The following RNF168 variants were observed in gnomAD, a reference collection of about 807,000 sequenced individuals.
RNF168 encodes the protein ring finger protein 168.
In RNF168, 34 loss-of-function variants were observed where a neutral mutation model predicts 34.9. The ratio of observed to expected loss-of-function variants is 0.97; its 90% CI spans 0.74 to 1.30. RNF168 has a LOEUF of 1.30. Among genes scored for constraint, RNF168 ranks in the 50% most tolerant of loss-of-function variants. The pLI is 0.00. For missense variants in RNF168, 725 were observed against 682.5 expected (o/e 1.06, Z -0.69); for synonymous variants, 264 against 254.7 (o/e 1.04, Z -0.35).
intron 1 of RNF168, among the ~76,000 whole-genome samples, chr3:196,502,452 A>G (rs1477621255): frequency 6.6e-6 from 1 of 151,932 alleles, no homozygotes; most frequent in Non-Finnish European, 1.5e-5. Flanking sequence ...CCCGGGCGTG[A>G]TGGTGCACGC....
In RNF168 at chr3:196,503,350, G is replaced by C. The variant is rs1732952399; in HGVS notation, c.-177C>G. 9.2e-6 allele frequency: 6 copies of C among 655,218 alleles called. No homozygotes were observed. In the East Asian group the frequency reaches 1.4e-4, roughly 15 times the overall value. 40.6% of individuals were successfully genotyped at this position (655,218 alleles called of 1,614,324 possible). ...GTCTTGAAGCAAAAAGGCGCTCTCA[G>C]GGTCAGGCAAACAGGAATACCCCGG... On this transcript the variant is annotated 5_prime_UTR_variant, in exon 1 of 6. Coordinates refer to ENST00000318037, the MANE Select transcript of RNF168 (RefSeq NM_152617.4).
rs760183132 is a variant in RNF168, at chr3:196,472,121, C to A, written c.1414G>T (p.Asp472Tyr). The A allele has an allele frequency of 6.2e-7, 1 of 1,613,992 alleles. No individual in the cohort carries two copies. The highest frequency in any genetic ancestry group is 1.1e-5 in the South Asian group (1 of 91,040). ...MVPNRQKGSP[D>Y]EYHLRATSSP... ...GATGTAGCGCGTAAGTGATACTCAT[C>A]TGGGGATCCTTTTTGCCGGTTTGGC... The change falls in exon 6 of 6, where the codon GAT (aspartate) becomes TAT (tyrosine). Residue 472 changes from aspartate to tyrosine, a missense_variant. Transcript: ENST00000318037.
chr3:196,472,433 T>G lies in RNF168; in HGVS notation c.1102A>C (p.Asn368His), dbSNP rs138568907. Residue 368 changes from asparagine (N) to histidine (H), a missense_variant, in exon 6 of 6, where the codon AAC becomes CAC. By Grantham distance (68) the Asn-to-His change is moderately conservative (BLOSUM62 1). Transcript: ENST00000318037. Reference protein sequence around the residue: ...TSGVTQTNGNNTGETENEESC... With the variant: ...TSGVTQTNGNHTGETENEESC... ...TCTTCATTTTCTGTCTCACCTGTGTTGTTTCCATTTGTCTGTGTCACCCCT... is the reference window on the plus strand; with the variant it reads ...TCTTCATTTTCTGTCTCACCTGTGTGGTTTCCATTTGTCTGTGTCACCCCT... 46 of 1,613,634 alleles carry G rather than the reference T, an allele frequency of 2.9e-5. No individual in the cohort carries two copies. The African/African-American group carries it at 5.6e-4, about 20-fold the overall frequency.
chr3:196,497,540 C>T (rs927112600), intron 1 of RNF168, among the ~76,000 whole-genome samples: 1 of 151,830 alleles, frequency 6.6e-6, no homozygotes, highest in African/African-American at 2.4e-5. Flanking sequence ...CATGGTGGTG[C>T]GTGCCTGTAG....
chr3:196,499,855 A>AT (rs1174120251), intron 1 of RNF168, among the ~76,000 whole-genome samples: 10 of 152,216 alleles, frequency 6.6e-5, no homozygotes. Flanking sequence ...TAGATATTTC[A>AT]TATTTTTCCG....
At chr3:196,472,858 G>A in intron 5 of RNF168, 86 bp from the exon 6 acceptor site, 5 of 770,790 alleles carry the variant, frequency 6.5e-6, no homozygotes, top group Non-Finnish European at 1.2e-5. Context: ...TACTACAGCT[G>A]GACTGTCACT....
chr3:196,490,876 T>C (rs778535629), intron 1 of RNF168, among the ~76,000 whole-genome samples: 1 of 152,224 alleles, frequency 6.6e-6, no homozygotes, highest in Non-Finnish European at 1.5e-5. Context: ...GAGACATATA[T>C]AAGGCTCCTT....
In RNF168 at chr3:196,471,648, T is replaced by C; in HGVS notation, c.*171A>G. The C allele has an allele frequency of 3.2e-6, 2 of 632,538 alleles. No individual in the cohort carries two copies. The highest frequency in any genetic ancestry group is 2.8e-5 in the East Asian group (1 of 36,360). 39.2% of individuals were successfully genotyped at this position (632,538 alleles called of 1,614,324 possible). ...AGGGGACCCCTGCTTACCGCTGAGC[T>C]GTGCAGAAGCTCATGTGTCTATGCA... On this transcript the variant is annotated 3_prime_UTR_variant, in exon 6 of 6. Coordinates refer to ENST00000318037, the MANE Select transcript of RNF168 (RefSeq NM_152617.4).
At position 196,472,776 on chromosome 3, in the gene RNF168, T is replaced by C; in HGVS notation, c.763-4A>G. 1.3e-6 allele frequency: 2 copies of C among 1,579,838 alleles called. No homozygotes were observed. Among genetic ancestry groups the C allele is most frequent in the Non-Finnish European group, 1.7e-6 (2 of 1,149,682 alleles). On this transcript the variant is annotated splice_polypyrimidine_tract_variant and splice_region_variant and intron_variant, in intron 5 of 5. Transcript: ENST00000318037. ...TCCTATCACTACTGTCAATGTCCTGTAGAAAACAGAAAAAGACTGAGTGAA... is the reference window on the plus strand; with the variant it reads ...TCCTATCACTACTGTCAATGTCCTGCAGAAAACAGAAAAAGACTGAGTGAA...
rs1732030516 is a variant in RNF168 at position 196,472,391 on chromosome 3, T to C, written c.1144A>G (p.Ser382Gly). Reference sequence around the variant, plus strand: ...TTTTTTCTTTTGGAAATCTCCTTACTGATCAGTAGGCACGACTCTTCATTT... The same window carrying C: ...TTTTTTCTTTTGGAAATCTCCTTACCGATCAGTAGGCACGACTCTTCATTT... ...TENEESCLLISKEISKRKNQE... is the reference protein window; with the variant it reads ...TENEESCLLIGKEISKRKNQE... The change falls in exon 6 of 6, where the codon AGT becomes GGT. Residue 382 changes from serine to glycine, a missense_variant. Transcript: ENST00000318037. 1 of 1,614,010 alleles carries C rather than the reference T, an allele frequency of 6.2e-7. No individual in the cohort carries two copies. The highest frequency in any genetic ancestry group is 8.5e-7 in the Non-Finnish European group (1 of 1,179,990).
chr3:196,488,682 A>G lies in RNF168; in HGVS notation c.303T>C (p.Ala101=). The G allele has an allele frequency of 6.3e-7, 1 of 1,591,014 alleles. No homozygotes were observed. Among genetic ancestry groups the G allele is most frequent in the South Asian group, 1.1e-5 (1 of 90,414 alleles). The part of the protein sequence containing the change: ...RASGQESEEV[A]DDYQPVRLLS... ...GCAGACGAACTGGCTGATAGTCATC[A>G]GCTATTTCATATCAAAAAAGAAAAT... is the stretch of plus-strand genomic sequence containing the variant. The change falls in exon 2 of 6, where the codon GCT becomes GCC. Residue 101 remains alanine (A), a splice_region_variant and synonymous_variant. Transcript: ENST00000318037.
At chr3:196,488,252 C>T (rs1241781577) in intron 2 of RNF168, among the ~76,000 whole-genome samples, 7 of 152,014 alleles carry the variant, frequency 4.6e-5, no homozygotes, top group African/African-American at 1.4e-4. Context: ...GAGGCCGAGG[C>T]GGGCGGATCA....
chr3:196,501,960 TTGTTTAAAAA>T (rs752527024), intron 1 of RNF168, among the ~76,000 whole-genome samples: 13 of 150,646 alleles, frequency 8.6e-5, no homozygotes, highest in Non-Finnish European at 1.8e-4. Flanking sequence ...CTTTTAACTA[TTGTTTAAAAA>T]TGTTTAAAAT....
chr3:196,497,357 T>C lies in RNF168; in HGVS notation c.301+5516A>G, dbSNP rs374152501. ...TACAATATTCAAAATTAATTTGAAATGGATCAAAGACCTAAACATAAAAGT... is the reference window on the plus strand; with the variant it reads ...TACAATATTCAAAATTAATTTGAAACGGATCAAAGACCTAAACATAAAAGT... On this transcript the variant is annotated intron_variant, in intron 1 of 5. Coordinates refer to ENST00000318037, the MANE Select transcript of RNF168 (RefSeq NM_152617.4). Among the ~76,000 whole-genome samples, 14 of 152,144 alleles carry C rather than the reference T, an allele frequency of 9.2e-5. No individual in the cohort carries two copies. In the East Asian group the frequency reaches 1.5e-3, roughly 17 times the overall value.
intron 4 of RNF168, among the ~76,000 whole-genome samples, chr3:196,479,185 G>T (rs1732226416): frequency 6.7e-6 from 1 of 148,688 alleles, no homozygotes; most frequent in South Asian, 2.1e-4. Flanking sequence ...GCTAATTTTT[G>T]TATTTTTAGT....
At chr3:196,491,405 T>C (rs915619401) in intron 1 of RNF168, among the ~76,000 whole-genome samples, 1 of 151,924 alleles carries the variant, frequency 6.6e-6, no homozygotes, top group African/African-American at 2.4e-5. Flanking sequence ...TCACAGCATT[T>C]TGGGAGGCCG....
rs548990060 is a variant in RNF168 at position 196,491,083 on chromosome 3, G to T, written c.302-2400C>A. On this transcript the variant is annotated intron_variant, in intron 1 of 5. Transcript: ENST00000318037. ...TAATCCCAGCACTTTGGGAGGCTGAGGCAGGCGGATCATGAGGTCAGGAGT... is the reference window on the plus strand; with the variant it reads ...TAATCCCAGCACTTTGGGAGGCTGATGCAGGCGGATCATGAGGTCAGGAGT... Among the ~76,000 whole-genome samples, 3 of 152,326 alleles carry T rather than the reference G, an allele frequency of 2.0e-5. No homozygotes were observed. In the South Asian group the frequency reaches 6.2e-4, roughly 32 times the overall value.
chr3:196,482,552 A>T (rs1427257098), intron 4 of RNF168, among the ~76,000 whole-genome samples: 2 of 152,200 alleles, frequency 1.3e-5, no homozygotes, highest in African/African-American at 4.8e-5. Context: ...ACCACTTTAC[A>T]TTCCTACCAA....
At position 196,487,487 on chromosome 3, in the gene RNF168, TC is replaced by T; in HGVS notation, c.469del (p.Glu157LysfsTer16). 1 of 1,614,188 alleles carries T rather than the reference TC, an allele frequency of 6.2e-7. No homozygotes were observed. The highest frequency in any genetic ancestry group is 1.1e-5 in the South Asian group (1 of 91,086). On this transcript the variant is annotated frameshift_variant, in exon 3 of 6. Transcript: ENST00000318037. LOFTEE classifies it high-confidence loss of function. ...QRLLAEEEEE[E>X]KRQAEKRRRA... Reference sequence around the variant, plus strand: ...TCGCCTTTTTTCTGCCTGTCTTTTTTCCTCTTCTTCCTCCTCTGCCAACAAC... The same window carrying T: ...TCGCCTTTTTTCTGCCTGTCTTTTTTCTCTTCTTCCTCCTCTGCCAACAAC...
Sources: allele counts gnomAD v4.1 joint callset (sites outside exome capture counted in the v4.1 genomes callset), GRCh38; gene constraint gnomAD v4.1.1; transcripts MANE v1.5; gene names NCBI Gene and HGNC (gene_info 2026-07-23, HGNC 2026-07-21).